The following RNF144A variants were observed in gnomAD, a reference collection of about 807,000 sequenced individuals.
RNF144A encodes ring finger protein 144A.
Under a neutral mutation model 38.7 loss-of-function variants are expected in RNF144A, and 11 were observed. That is an observed-to-expected ratio of 0.28 (90% CI 0.18 to 0.47). The LOEUF is 0.47. Ranked by LOEUF, RNF144A falls within the 20% of genes least tolerant of loss-of-function variation. The probability of loss-of-function intolerance (pLI) is 0.99; values close to 1 mark genes in which losing one functional copy is unlikely to be tolerated. For synonymous variants in RNF144A, 149 were observed against 143.9 expected (o/e 1.04, Z -0.25); for missense variants, 316 against 377.2 (o/e 0.84, Z 1.34).
intron 1 of RNF144A, among the ~76,000 whole-genome samples, chr2:6,926,823 T>C (rs1421246724): frequency 6.6e-6 from 1 of 152,246 alleles, no homozygotes; most frequent in Non-Finnish European, 1.5e-5. Flanking sequence ...GTTTATTTAC[T>C]TTTGTTCTTT....
chr2:7,074,105 C>T, the RNF144A span, among the ~76,000 whole-genome samples: 1 of 152,228 alleles, frequency 6.6e-6, no homozygotes, highest in Non-Finnish European at 1.5e-5. Context: ...ATATCAATGC[C>T]TTGCACAGAG....
chr2:6,983,265 C>T (rs527923790), intron 2 of RNF144A, among the ~76,000 whole-genome samples: 2 of 152,162 alleles, frequency 1.3e-5, no homozygotes, highest in Non-Finnish European at 2.9e-5. Flanking sequence ...GTTTTCTTTT[C>T]TATAAGAAGT....
At chr2:7,061,534 G>T (rs942064038) in intron 6 of RNF144A, among the ~76,000 whole-genome samples, 2 of 152,096 alleles carry the variant, frequency 1.3e-5, no homozygotes, top group Non-Finnish European at 2.9e-5. Context: ...CTTTCTCAAA[G>T]ATTTGCTTAT....
chr2:6,921,943 C>T (rs1664563241), intron 1 of RNF144A, among the ~76,000 whole-genome samples: 1 of 152,186 alleles, frequency 6.6e-6, no homozygotes, highest in South Asian at 2.1e-4. Flanking sequence ...TTACCATTGG[C>T]CTTTTTAGGG....
chr2:7,033,641 G>A (rs779692635), intron 8 of RNF144A, among the ~76,000 whole-genome samples: 3 of 152,168 alleles, frequency 2.0e-5, no homozygotes, highest in Non-Finnish European at 2.9e-5. Flanking sequence ...CAATCCAGGT[G>A]TGACCTCCTC....
chr2:7,011,407 A>T (rs1199758468), intron 3 of RNF144A, among the ~76,000 whole-genome samples: 5 of 152,236 alleles, frequency 3.3e-5, no homozygotes, highest in African/African-American at 9.6e-5. Flanking sequence ...TATACAAAAA[A>T]TGTACAACAG....
At chr2:6,973,854 G>C (rs1385213857) in intron 2 of RNF144A, among the ~76,000 whole-genome samples, 1 of 152,224 alleles carries the variant, frequency 6.6e-6, no homozygotes, top group Non-Finnish European at 1.5e-5. Context: ...GCTGCTTCGT[G>C]CTCCAGCATC....
At chr2:7,063,893 A>G (rs1175472261) in intron 6 of RNF144A, among the ~76,000 whole-genome samples, 1 of 152,236 alleles carries the variant, frequency 6.6e-6, no homozygotes, top group Non-Finnish European at 1.5e-5. Context: ...AGAATACCAC[A>G]TAGTGGATAA....
chr2:7,008,436 C>A (rs1433042075), intron 3 of RNF144A, among the ~76,000 whole-genome samples: 1 of 152,212 alleles, frequency 6.6e-6, no homozygotes, highest in Non-Finnish European at 1.5e-5. Context: ...AACCGCAGGC[C>A]TGACCGGTCA....
At chr2:6,957,307 G>C (rs78985473) in intron 2 of RNF144A, among the ~76,000 whole-genome samples, 1 of 152,196 alleles carries the variant, frequency 6.6e-6, no homozygotes, top group Admixed American at 6.5e-5. Context: ...CATCTGCTCC[G>C]GTGTTGAGAG....
chr2:7,038,206 C>T (rs1309822441), intron 8 of RNF144A, among the ~76,000 whole-genome samples: 1 of 152,226 alleles, frequency 6.6e-6, no homozygotes, highest in Non-Finnish European at 1.5e-5. Context: ...ATGCACCATG[C>T]CTGTGTCTTT....
chr2:7,041,987 G>A lies in RNF144A; in HGVS notation c.*2227G>A, dbSNP rs1000411480. On this transcript the variant is annotated 3_prime_UTR_variant, in exon 9 of 9. Coordinates refer to ENST00000320892, the MANE Select transcript of RNF144A (RefSeq NM_014746.6). ...CACCTCTGATGTGTTTCACAAGCAC[G>A]TAGTTCAACCCAGATAGGGACCACA... 1.7e-4 allele frequency: 170 copies of A among 985,272 alleles called. No individual in the cohort carries two copies. The highest frequency in any genetic ancestry group is 5.2e-4 in the Middle Eastern group (1 of 1,938). The allele number at this position is 985,272 out of a possible 1,614,324, so 61.0% of individuals were successfully genotyped here.
At chr2:6,967,701 A>C (rs1428682900) in intron 2 of RNF144A, among the ~76,000 whole-genome samples, 2 of 152,168 alleles carry the variant, frequency 1.3e-5, no homozygotes, top group Non-Finnish European at 2.9e-5. Context: ...CACATCTACA[A>C]CTGTTTCCTT....
chr2:6,991,964 T>G (rs1415416933), intron 2 of RNF144A, among the ~76,000 whole-genome samples: 1 of 152,198 alleles, frequency 6.6e-6, no homozygotes, highest in African/African-American at 2.4e-5. Flanking sequence ...TGTCAGACTT[T>G]GAGGGTCACA....
intron 1 of RNF144A, among the ~76,000 whole-genome samples, chr2:6,933,432 C>G (rs1572210193): frequency 6.6e-6 from 1 of 152,152 alleles, no homozygotes; most frequent in Non-Finnish European, 1.5e-5. Context: ...CAAAGAAATG[C>G]TGTCTTTTTG....
intron 2 of RNF144A, among the ~76,000 whole-genome samples, chr2:6,960,947 G>A (rs1369918676): frequency 6.6e-6 from 1 of 152,120 alleles, no homozygotes; most frequent in Non-Finnish European, 1.5e-5. Flanking sequence ...TCAGCATAAT[G>A]CCAATTTCAA....
At chr2:6,990,572 AACACAC>A (rs70942685) in intron 2 of RNF144A, among the ~76,000 whole-genome samples, 1 of 83,934 alleles carries the variant, frequency 1.2e-5, no homozygotes, top group Admixed American at 1.3e-4. Flanking sequence ...TACACACACA[AACACAC>A]ACACACACAC....
At chr2:7,032,256 G>T (rs956736450) in intron 8 of RNF144A, among the ~76,000 whole-genome samples, 1 of 150,036 alleles carries the variant, frequency 6.7e-6, no homozygotes, top group African/African-American at 2.4e-5. Flanking sequence ...GCCCCTTGCA[G>T]CTCTGCTGGA....
chr2:6,998,579 A>G (rs1669907595), intron 3 of RNF144A, among the ~76,000 whole-genome samples: 1 of 152,232 alleles, frequency 6.6e-6, no homozygotes, highest in South Asian at 2.1e-4. Flanking sequence ...GATTGAAATG[A>G]AGTGTATTGA....
Sources: allele counts gnomAD v4.1 joint callset (sites outside exome capture counted in the v4.1 genomes callset), GRCh38; gene constraint gnomAD v4.1.1; transcripts MANE v1.5; gene names NCBI Gene and HGNC (gene_info 2026-07-23, HGNC 2026-07-21).